Variants in SH3GL2 observed in about 807,000 individuals in gnomAD.
SH3GL2 encodes endophilin-A1.
In SH3GL2, 24 loss-of-function variants were observed where a neutral mutation model predicts 46.0. The ratio of observed to expected loss-of-function variants is 0.52; its 90% CI spans 0.38 to 0.73. The LOEUF is 0.73. SH3GL2 is among the 30% of genes least tolerant of loss of function. The pLI, the probability that SH3GL2 is intolerant of heterozygous loss-of-function variation, is 0.00. For missense variants in SH3GL2, 413 were observed against 424.2 expected, an observed-to-expected ratio of 0.97 and a Z score of 0.23; for synonymous variants, 196 against 147.1, an observed-to-expected ratio of 1.33 and a Z score of -2.40.
At chr9:17,623,050 C>CCTT (rs1819190772) in intron 1 of SH3GL2, among the ~76,000 whole-genome samples, 1 of 109,092 alleles carries the variant, frequency 9.2e-6, no homozygotes, top group East Asian at 2.4e-4. Context: ...CCTTCCCCTT[C>CCTT]CCCTTCCCCT....
chr9:17,682,622 C>G (rs1470033029), intron 1 of SH3GL2, among the ~76,000 whole-genome samples: 1 of 150,584 alleles, frequency 6.6e-6, no homozygotes, highest in African/African-American at 2.4e-5. Flanking sequence ...CCATGGTACA[C>G]ATATACCTAT....
chr9:17,740,203 T>G (rs1300970052), intron 1 of SH3GL2, among the ~76,000 whole-genome samples: 1 of 152,154 alleles, frequency 6.6e-6, no homozygotes, highest in Non-Finnish European at 1.5e-5. Flanking sequence ...AAGAAAATCT[T>G]AAATTTCCGG....
intron 1 of SH3GL2, among the ~76,000 whole-genome samples, chr9:17,681,327 T>C (rs1055780131): frequency 1.3e-5 from 2 of 152,178 alleles, no homozygotes; most frequent in South Asian, 2.1e-4. Flanking sequence ...TACCAATTAA[T>C]GCTTGTCCTT....
intron 3 of SH3GL2, among the ~76,000 whole-genome samples, chr9:17,770,621 G>A (rs1248427950): frequency 2.0e-5 from 3 of 152,136 alleles, no homozygotes; most frequent in Non-Finnish European, 4.4e-5. Flanking sequence ...CAAATCGATG[G>A]TGCATCACTC....
intron 1 of SH3GL2, among the ~76,000 whole-genome samples, chr9:17,615,597 G>A (rs1364704387): frequency 1.4e-5 from 2 of 144,720 alleles, no homozygotes; most frequent in African/African-American, 5.2e-5. Flanking sequence ...AGAGGTTGCA[G>A]TGAGCCGAGA....
intron 1 of SH3GL2, among the ~76,000 whole-genome samples, chr9:17,721,955 C>A (rs1269952686): frequency 6.6e-6 from 1 of 152,040 alleles, no homozygotes; most frequent in East Asian, 1.9e-4. Flanking sequence ...GAGGTGTCCG[C>A]AGTGAGGTGA....
At chr9:17,642,533 G>A (rs1012438778) in intron 1 of SH3GL2, among the ~76,000 whole-genome samples, 2 of 152,218 alleles carry the variant, frequency 1.3e-5, no homozygotes, top group Non-Finnish European at 2.9e-5. Context: ...TTTTGTATAA[G>A]TTGTAAGGAA....
intron 1 of SH3GL2, among the ~76,000 whole-genome samples, chr9:17,746,083 A>G (rs555155327): frequency 6.6e-6 from 1 of 152,016 alleles, no homozygotes; most frequent in African/African-American, 2.4e-5. Context: ...TAATTTTTTT[A>G]TTTTATTTTT....
intron 1 of SH3GL2, among the ~76,000 whole-genome samples, chr9:17,639,585 G>A (rs1425669611): frequency 6.6e-6 from 1 of 152,190 alleles, no homozygotes; most frequent in African/African-American, 2.4e-5. Context: ...GGGAATGCAA[G>A]TTGGAAAACA....
chr9:17,665,307 C>G (rs999865840), intron 1 of SH3GL2, among the ~76,000 whole-genome samples: 1 of 152,158 alleles, frequency 6.6e-6, no homozygotes, highest in Non-Finnish European at 1.5e-5. Context: ...TAGCATTTCT[C>G]TCCTCCACTG....
At chr9:17,692,414 G>A (rs1427182723) in intron 1 of SH3GL2, among the ~76,000 whole-genome samples, 1 of 152,050 alleles carries the variant, frequency 6.6e-6, no homozygotes, top group Non-Finnish European at 1.5e-5. Context: ...GAGAGGCCAA[G>A]GTGGGTGGAT....
At chr9:17,711,128 C>T (rs1022873182) in intron 1 of SH3GL2, among the ~76,000 whole-genome samples, 5 of 151,936 alleles carry the variant, frequency 3.3e-5, no homozygotes, top group East Asian at 1.9e-4. Flanking sequence ...TTGGCTAACT[C>T]ATGTAAGGTG....
chr9:17,712,427 A>G (rs1821650938), intron 1 of SH3GL2, among the ~76,000 whole-genome samples: 1 of 151,772 alleles, frequency 6.6e-6, no homozygotes, highest in South Asian at 2.1e-4. Flanking sequence ...TTTCTTTCAG[A>G]AGTTTCATAG....
At chr9:17,608,919 A>C (rs1258452033) in intron 1 of SH3GL2, among the ~76,000 whole-genome samples, 2 of 152,244 alleles carry the variant, frequency 1.3e-5, no homozygotes, top group Non-Finnish European at 2.9e-5. Context: ...TAATTAAAAA[A>C]TGTTTGAGTA....
intron 3 of SH3GL2, among the ~76,000 whole-genome samples, chr9:17,774,341 C>G (rs544307201): frequency 6.6e-6 from 1 of 152,256 alleles, no homozygotes; most frequent in South Asian, 2.1e-4. Flanking sequence ...GATGTGGTCA[C>G]AGTGGGCATC....
chr9:17,710,571 AAGC>A (rs1821593576), intron 1 of SH3GL2, among the ~76,000 whole-genome samples: 1 of 152,000 alleles, frequency 6.6e-6, no homozygotes, highest in Admixed American at 6.6e-5. Context: ...AAAGAACTGA[AAGC>A]AGAGACTTGA....
intron 3 of SH3GL2, among the ~76,000 whole-genome samples, chr9:17,774,663 A>G (rs935957788): frequency 8.6e-5 from 13 of 152,042 alleles, no homozygotes; most frequent in African/African-American, 2.9e-4. Context: ...ATGGGGTATA[A>G]TTTTTAAAAT....
chr9:17,782,122 A>G (rs2209432), intron 3 of SH3GL2, among the ~76,000 whole-genome samples: 71,524 of 152,020 alleles, frequency 0.47, 17,429 homozygotes, highest in East Asian at 0.82. Context: ...GTAAATGACT[A>G]TATTCAACCA....
intron 1 of SH3GL2, among the ~76,000 whole-genome samples, chr9:17,647,459 T>C (rs1819846558): frequency 6.6e-6 from 1 of 152,098 alleles, no homozygotes; most frequent in South Asian, 2.1e-4. Flanking sequence ...AGGAAACTGA[T>C]GCTTTAGGAA....
Sources: allele counts gnomAD v4.1 joint callset (sites outside exome capture counted in the v4.1 genomes callset), GRCh38; gene constraint gnomAD v4.1.1; transcripts MANE v1.5; gene names NCBI Gene and HGNC (gene_info 2026-07-23, HGNC 2026-07-21).